ZBTB20: variants seen among roughly 807,000 people sequenced by gnomAD.
ZBTB20 encodes zinc finger and BTB domain containing 20.
A neutral mutation model predicts 56.9 loss-of-function variants in ZBTB20; 9 were observed. That is an observed-to-expected ratio of 0.16 (90% CI 0.10 to 0.28). ZBTB20 has a LOEUF of 0.28. ZBTB20 is among the 10% of genes least tolerant of loss of function. ZBTB20 has a pLI of 1.00. For synonymous variants in ZBTB20, 417 were observed against 420.7 expected (o/e 0.99, Z 0.11); for missense variants, 655 against 1,003.0 (o/e 0.65, Z 4.69).
chr3:115,028,357 G>A (rs1353674588), intron 2 of ZBTB20, among the ~76,000 whole-genome samples: 1 of 150,730 alleles, frequency 6.6e-6, no homozygotes, highest in East Asian at 1.9e-4. Flanking sequence ...GGATGCAAGT[G>A]TAAAGCATCA....
rs138447566 is a variant in ZBTB20 at position 114,897,403 on chromosome 3, A to C, written c.-417+2901T>G. On this transcript the variant is annotated intron_variant, in intron 4 of 11. Coordinates refer to ENST00000675478, the MANE Select transcript of ZBTB20 (RefSeq NM_001348800.3). ...GAGAGGGAAAGAAGGGGGAAAAAAG[A>C]AATTATATCTAGTCATGCTATGTTC... Among the ~76,000 whole-genome samples, 445 of 152,210 alleles carry C rather than the reference A, an allele frequency of 2.9e-3. 3 individuals are homozygous for C. The highest frequency in any genetic ancestry group is 0.01 in the African/African-American group (422 of 41,556).
intron 10 of ZBTB20, among the ~76,000 whole-genome samples, chr3:114,352,943 C>T (rs964202884): frequency 3.3e-5 from 5 of 152,126 alleles, no homozygotes; most frequent in African/African-American, 4.8e-5. Context: ...GTGGAGGCTG[C>T]GGATAGCCTG....
At chr3:114,939,999 T>C (rs900164442) in intron 3 of ZBTB20, among the ~76,000 whole-genome samples, 1 of 146,660 alleles carries the variant, frequency 6.8e-6, no homozygotes, top group Non-Finnish European at 1.5e-5. Flanking sequence ...TGATGTTTCA[T>C]ATGCTCTTCT....
chr3:114,588,474 T>A (rs1267597874), intron 6 of ZBTB20, among the ~76,000 whole-genome samples: 1 of 152,214 alleles, frequency 6.6e-6, no homozygotes, highest in African/African-American at 2.4e-5. Flanking sequence ...TGCATTATAT[T>A]CCCTGGTCTC....
intron 6 of ZBTB20, among the ~76,000 whole-genome samples, chr3:114,620,034 G>A (rs2058213318): frequency 6.6e-6 from 1 of 152,158 alleles, no homozygotes; most frequent in Non-Finnish European, 1.5e-5. Flanking sequence ...GGTAAGTCTG[G>A]TACTTTCTGA....
intron 5 of ZBTB20, chr3:114,792,233 T>G (rs2071013635): frequency 6.6e-6 from 1 of 152,202 alleles, no homozygotes; most frequent in Non-Finnish European, 1.5e-5. Context: ...ATTATAAGAT[T>G]GTTGAAAACA....
intron 5 of ZBTB20, among the ~76,000 whole-genome samples, chr3:114,754,431 G>A (rs2067845795): frequency 6.6e-6 from 1 of 152,118 alleles, no homozygotes; most frequent in East Asian, 1.9e-4. Flanking sequence ...AGACCCTACA[G>A]GGTTTTCTTA....
At chr3:114,404,141 C>A (rs762732380) in intron 7 of ZBTB20, among the ~76,000 whole-genome samples, 5 of 152,084 alleles carry the variant, frequency 3.3e-5, no homozygotes, top group Non-Finnish European at 7.4e-5. Flanking sequence ...GCTATTTTTC[C>A]TTGTACACAT....
intron 2 of ZBTB20, among the ~76,000 whole-genome samples, chr3:115,004,692 A>G (rs147640836): frequency 4.0e-5 from 6 of 151,860 alleles, no homozygotes; most frequent in South Asian, 4.1e-4. Context: ...CTTTTGCTCT[A>G]TATTAAAGGG....
intron 4 of ZBTB20, among the ~76,000 whole-genome samples, chr3:114,884,725 A>G (rs1468458742): frequency 1.3e-5 from 2 of 152,228 alleles, no homozygotes; most frequent in African/African-American, 4.8e-5. Context: ...AAAAAGTTCT[A>G]TGTTAAATCT....
chr3:114,788,855 G>T (rs539427131), intron 5 of ZBTB20, among the ~76,000 whole-genome samples: 1 of 152,292 alleles, frequency 6.6e-6, no homozygotes, highest in African/African-American at 2.4e-5. Context: ...AGTGAAGGAG[G>T]AGCAAAGACA....
chr3:114,814,864 C>CA (rs1489244165), intron 4 of ZBTB20, among the ~76,000 whole-genome samples: 3 of 152,158 alleles, frequency 2.0e-5, no homozygotes, highest in Non-Finnish European at 4.4e-5. Context: ...TCTGCTTGAG[C>CA]AAAGGGTTTC....
At chr3:115,042,549 A>C (rs1049164592) in intron 2 of ZBTB20, among the ~76,000 whole-genome samples, 1 of 152,184 alleles carries the variant, frequency 6.6e-6, no homozygotes, top group Non-Finnish European at 1.5e-5. Flanking sequence ...AAATATTTTT[A>C]TTGAGTACAT....
intron 7 of ZBTB20, among the ~76,000 whole-genome samples, chr3:114,402,968 C>T (rs1175700154): frequency 6.6e-6 from 1 of 152,136 alleles, no homozygotes; most frequent in African/African-American, 2.4e-5. Context: ...TAAGCAAGGA[C>T]TTGGTGGGCC....
At chr3:115,141,842 A>G (rs1484033606) in intron 1 of ZBTB20, among the ~76,000 whole-genome samples, 1 of 152,208 alleles carries the variant, frequency 6.6e-6, no homozygotes, top group Non-Finnish European at 1.5e-5. Flanking sequence ...TACCTTACAA[A>G]TATGAATATT....
intron 4 of ZBTB20, among the ~76,000 whole-genome samples, chr3:114,882,984 A>G (rs922558886): frequency 6.6e-6 from 1 of 152,172 alleles, no homozygotes; most frequent in Non-Finnish European, 1.5e-5. Flanking sequence ...CTCATTCTAG[A>G]CTTCTCTAGT....
At chr3:114,629,852 T>G (rs969700808) in intron 6 of ZBTB20, among the ~76,000 whole-genome samples, 3 of 152,108 alleles carry the variant, frequency 2.0e-5, no homozygotes, top group African/African-American at 7.2e-5. Flanking sequence ...AAAGAATACT[T>G]TAAAGAATAT....
chr3:114,951,075 T>G (rs1429547674), intron 3 of ZBTB20, among the ~76,000 whole-genome samples: 1 of 152,102 alleles, frequency 6.6e-6, no homozygotes, highest in Non-Finnish European at 1.5e-5. Flanking sequence ...TCTGCTAATG[T>G]TTTTTTATTG....
At position 114,682,977 on chromosome 3, in the gene ZBTB20, T is replaced by C. The variant is rs543198852; in HGVS notation, c.-295+10551A>G. On this transcript the variant is annotated intron_variant, in intron 6 of 11. Coordinates refer to ENST00000675478, the MANE Select transcript of ZBTB20 (RefSeq NM_001348800.3). ...GTATTTTCTGCGGGAACAAATTCTG[T>C]AGTTGTCAATAGTTTATTCTCCTAG... Among the ~76,000 whole-genome samples, 16 of 152,352 alleles carry C rather than the reference T, an allele frequency of 1.1e-4. No individual in the cohort carries two copies. The South Asian group carries it at 2.9e-3, about 28-fold the overall frequency.
Sources: allele counts gnomAD v4.1 joint callset (sites outside exome capture counted in the v4.1 genomes callset), GRCh38; gene constraint gnomAD v4.1.1; transcripts MANE v1.5; gene names NCBI Gene and HGNC (gene_info 2026-07-23, HGNC 2026-07-21).